MPC2: variants seen among roughly 807,000 people sequenced by gnomAD.
The protein encoded by MPC2 is brain protein 44.
MPC2 carries 19 observed loss-of-function variants against 19.2 expected under a neutral mutation model. That is an observed-to-expected ratio of 0.99 (90% CI 0.69 to 1.45). MPC2 has a LOEUF of 1.45. Among genes scored for constraint, MPC2 ranks in the 40% most tolerant of loss-of-function variants. The pLI is 0.00. For missense variants in MPC2, 122 were observed against 153.0 expected (o/e 0.80, Z 1.07); for synonymous variants, 61 against 54.3 (o/e 1.12, Z -0.54).
intron 2 of MPC2, among the ~76,000 whole-genome samples, chr1:167,935,510 A>G (rs544715811): frequency 6.6e-6 from 1 of 152,296 alleles, no homozygotes; most frequent in South Asian, 2.1e-4. Flanking sequence ...CGGATGTCAC[A>G]TAGGTGGGGA....
intron 3 of MPC2, among the ~76,000 whole-genome samples, chr1:167,921,231 T>TC (rs1337863888): frequency 1.4e-5 from 2 of 143,286 alleles, no homozygotes; most frequent in Admixed American, 6.9e-5. Flanking sequence ...GGTTAGATCA[T>TC]TTTTTTTTTT....
intron 2 of MPC2, among the ~76,000 whole-genome samples, chr1:167,934,835 G>C (rs1027478898): frequency 7.9e-5 from 12 of 152,058 alleles, no homozygotes; most frequent in African/African-American, 2.4e-4. Flanking sequence ...TCTGATGTTA[G>C]CCCCTAGCAA....
At position 167,937,020 on chromosome 1, in the gene MPC2, C is replaced by T. The variant is rs777446554; in HGVS notation, c.-139G>A. ...GAGTCGCTACCTGGGTGAGCGGGGG[C>T]CCCGGGGCGGAGGCGCTGAGGTCGC... is the stretch of plus-strand genomic sequence containing the variant. On this transcript the variant is annotated 5_prime_UTR_variant, in exon 1 of 6. Transcript: ENST00000271373. The T allele has an allele frequency of 2.5e-6, 4 of 1,601,402 alleles. No homozygotes were observed. The highest frequency in any genetic ancestry group is 3.4e-6 in the Non-Finnish European group (4 of 1,174,218).
intron 1 of MPC2, 161 bp from the exon 2 acceptor site, chr1:167,936,059 C>T (rs1671168333): frequency 1.2e-5 from 7 of 580,984 alleles, no homozygotes; most frequent in South Asian, 2.0e-5. Flanking sequence ...CGACTGCCAG[C>T]CCCCGGTCCG....
intron 3 of MPC2, 117 bp from the exon 4 acceptor site, chr1:167,920,748 G>C (rs1670580413): frequency 1.0e-6 from 1 of 981,400 alleles, no homozygotes; most frequent in Non-Finnish European, 1.5e-6. Flanking sequence ...TATAATTTTA[G>C]TGTCCATTCA....
At chr1:167,931,826 C>A (rs867266073) in intron 2 of MPC2, among the ~76,000 whole-genome samples, 8 of 152,108 alleles carry the variant, frequency 5.3e-5, no homozygotes, top group South Asian at 4.1e-4. Context: ...TCCTTATAAA[C>A]ACTGATAACA....
At chr1:167,925,089 G>A (rs1670698971) in intron 2 of MPC2, among the ~76,000 whole-genome samples, 1 of 152,068 alleles carries the variant, frequency 6.6e-6, no homozygotes, top group Admixed American at 6.5e-5. Context: ...TGATGGTAAT[G>A]CTACACATTC....
chr1:167,924,661 A>G, intron 2 of MPC2, 124 bp from the exon 3 acceptor site: 1 of 642,728 alleles, frequency 1.6e-6, no homozygotes, highest in South Asian at 2.3e-5. Context: ...CACTTTTACT[A>G]TGCTTTTTGC....
At chr1:167,924,766 T>C (rs1249951843) in intron 2 of MPC2, among the ~76,000 whole-genome samples, 1 of 152,166 alleles carries the variant, frequency 6.6e-6, no homozygotes, top group Non-Finnish European at 1.5e-5. Flanking sequence ...TAGGTTCAAC[T>C]GTATGCAAAT....
intron 2 of MPC2, among the ~76,000 whole-genome samples, chr1:167,931,090 C>T (rs1158482519): frequency 6.6e-6 from 1 of 152,164 alleles, no homozygotes; most frequent in South Asian, 2.1e-4. Flanking sequence ...CACCACCATG[C>T]CCAGCTAAAT....
At chr1:167,928,076 C>G (rs1670805114) in intron 2 of MPC2, among the ~76,000 whole-genome samples, 2 of 152,192 alleles carry the variant, frequency 1.3e-5, no homozygotes, top group South Asian at 4.1e-4. Context: ...CGGCCGGGCG[C>G]GGTGGCTCAT....
At chr1:167,932,353 A>G (rs918339960) in intron 2 of MPC2, among the ~76,000 whole-genome samples, 5 of 152,172 alleles carry the variant, frequency 3.3e-5, no homozygotes, top group Non-Finnish European at 7.3e-5. Context: ...AGTGGATGAA[A>G]TAACAGTAAA....
chr1:167,925,472 T>TATAC (rs1319050908), intron 2 of MPC2, among the ~76,000 whole-genome samples: 4 of 102,046 alleles, frequency 3.9e-5, no homozygotes, highest in South Asian at 5.6e-4. Flanking sequence ...TATATATATA[T>TATAC]ATACATATAC....
intron 5 of MPC2, 115 bp from the exon 6 acceptor site, chr1:167,918,474 A>T: frequency 1.7e-6 from 1 of 605,538 alleles, no homozygotes; most frequent in Non-Finnish European, 2.8e-6. Context: ...GTAGCTATAC[A>T]GTTGTAAACA....
chr1:167,922,536 A>C (rs982702679), intron 3 of MPC2, among the ~76,000 whole-genome samples: 1 of 152,108 alleles, frequency 6.6e-6, no homozygotes, highest in Non-Finnish European at 1.5e-5. Context: ...GAAGAAGGAA[A>C]TGGTAATGTA....
chr1:167,937,042 TCG>T lies in MPC2; in HGVS notation c.-163_-162del. The T allele has an allele frequency of 1.3e-6, 2 of 1,562,340 alleles. No individual in the cohort carries two copies. The highest frequency in any genetic ancestry group is 1.7e-6 in the Non-Finnish European group (2 of 1,145,194). On this transcript the variant is annotated 5_prime_UTR_variant, in exon 1 of 6. Transcript: ENST00000271373. ...GGGCCCCGGGGCGGAGGCGCTGAGG[TCG>T]CCGCCTAGAGTGGGGGAGGGGGCAC... is the stretch of plus-strand genomic sequence containing the variant.
intron 2 of MPC2, among the ~76,000 whole-genome samples, chr1:167,930,652 C>G (rs968308645): frequency 2.0e-5 from 3 of 152,188 alleles, no homozygotes; most frequent in Non-Finnish European, 4.4e-5. Context: ...GAGGCACTTA[C>G]AAGTTAAGTA....
rs1204665730 is a variant in MPC2 at position 167,926,242 on chromosome 1, G to A, written c.110-1705C>T. 3.3e-5 allele frequency among the ~76,000 whole-genome samples: 5 copies of A among 152,320 alleles called. No homozygotes were observed. The East Asian group carries it at 7.7e-4, about 24-fold the overall frequency. On this transcript the variant is annotated intron_variant, in intron 2 of 5. Transcript: ENST00000271373. Reference sequence around the variant, plus strand: ...AACAGTGCTGAAACAGCTGGTGAGAGAATTTAAACTATCAAGGAGTTCTAA... The same window carrying A: ...AACAGTGCTGAAACAGCTGGTGAGAAAATTTAAACTATCAAGGAGTTCTAA...
At position 167,937,069 on chromosome 1, in the gene MPC2, C is replaced by A; in HGVS notation, c.-188G>T. On this transcript the variant is annotated 5_prime_UTR_variant, in exon 1 of 6. Coordinates refer to ENST00000271373, the MANE Select transcript of MPC2 (RefSeq NM_001143674.4). Reference sequence around the variant, plus strand: ...GCCGCCTAGAGTGGGGGAGGGGGCACGCTGCCGGGTCTGTTGGAGGTGGGA... The same window carrying A: ...GCCGCCTAGAGTGGGGGAGGGGGCAAGCTGCCGGGTCTGTTGGAGGTGGGA... 1 of 1,418,036 alleles carries A rather than the reference C, an allele frequency of 7.1e-7. No homozygotes were observed. Among genetic ancestry groups the A allele is most frequent in the Non-Finnish European group, 9.8e-7 (1 of 1,021,690 alleles). The allele number at this position is 1,418,036 out of a possible 1,614,324, so 87.8% of individuals were successfully genotyped here. A position where few individuals can be genotyped will look rare whatever the true frequency, so the allele number is the denominator to read the frequency against.
Sources: gnomAD v4.1 joint callset for allele counts (sites outside exome capture counted in the v4.1 genomes callset) on GRCh38, gnomAD v4.1.1 for gene constraint, MANE v1.5 for transcripts, NCBI Gene and HGNC (gene_info 2026-07-23, HGNC 2026-07-21) for gene names.